Variants in WDR33 observed in about 807,000 individuals in gnomAD.
WDR33 encodes the protein pre-mRNA 3' end processing protein WDR33.
In WDR33, 47 loss-of-function variants were observed where a neutral mutation model predicts 164.9. That is an observed-to-expected ratio of 0.29 (90% CI 0.23 to 0.36). The LOEUF is 0.36. WDR33 is among the 10% of genes least tolerant of loss of function. The probability of loss-of-function intolerance (pLI) is 1.00; values close to 1 mark genes in which losing one functional copy is unlikely to be tolerated. For missense variants in WDR33, 1,137 were observed against 1,754.1 expected (o/e 0.65, Z 6.28); for synonymous variants, 505 against 589.0 (o/e 0.86, Z 2.06).
chr2:127,764,342 T>G lies in WDR33; in HGVS notation c.626+486A>C, dbSNP rs1468311344. 2.2e-6 allele frequency: 3 copies of G among 1,390,274 alleles called. No individual in the cohort carries two copies. In the African/African-American group the frequency reaches 4.4e-5, roughly 20 times the overall value. The allele number at this position is 1,390,274 out of a possible 1,614,324, so 86.1% of individuals were successfully genotyped here. On this transcript the variant is annotated intron_variant, in intron 6 of 21. Coordinates refer to ENST00000322313, the MANE Select transcript of WDR33 (RefSeq NM_018383.5). The surrounding 1 kb of genome is among the most constrained non-coding windows in gnomAD (Gnocchi z 6.2). Reference sequence around the variant, plus strand: ...GCCACATCCAGTTATCTGTGAGGGTTTTAGTCCTATACTTTCCTTTGGAAG... The same window carrying G: ...GCCACATCCAGTTATCTGTGAGGGTGTTAGTCCTATACTTTCCTTTGGAAG...
At chr2:127,707,341 C>T (rs1168154864) in intron 21 of WDR33, among the ~76,000 whole-genome samples, 3 of 152,068 alleles carry the variant, frequency 2.0e-5, no homozygotes, top group African/African-American at 7.2e-5. Flanking sequence ...ATAATGCACT[C>T]TCAGAAGATG....
chr2:127,734,199 C>T (rs1421363666), intron 7 of WDR33, among the ~76,000 whole-genome samples: 1 of 152,204 alleles, frequency 6.6e-6, no homozygotes, highest in Non-Finnish European at 1.5e-5. Flanking sequence ...AGACCAGAGT[C>T]TTGTTCGGAA....
At position 127,745,410 on chromosome 2, in the gene WDR33, A is replaced by G. The variant is rs1687139299; in HGVS notation, c.724+17652T>C. ...GGTCTGTACTTCTCATCTTCAACCA[A>G]CATACTGAACACAAAATCAAAGAAA... On this transcript the variant is annotated intron_variant, in intron 7 of 21. Coordinates refer to ENST00000322313, the MANE Select transcript of WDR33 (RefSeq NM_018383.5). 2.0e-5 allele frequency among the ~76,000 whole-genome samples: 3 copies of G among 152,202 alleles called. No individual in the cohort carries two copies. The South Asian group carries it at 6.2e-4, about 32-fold the overall frequency.
At chr2:127,787,712 G>GT in intron 1 of WDR33, among the ~76,000 whole-genome samples, 1 of 89,372 alleles carries the variant, frequency 1.1e-5, no homozygotes, top group Non-Finnish European at 2.3e-5. Flanking sequence ...CGGGCGGGGG[G>GT]CTGACACCCC....
chr2:127,776,552 C>T lies in WDR33; in HGVS notation c.-23-5548G>A, dbSNP rs536796071. ...AGTAAGACCCTGTTTCTACAAAAAA[C>T]ACAAAAATTAGCCGGGCCTGGTGGT... On this transcript the variant is annotated intron_variant, in intron 1 of 21. Transcript: ENST00000322313. Among the ~76,000 whole-genome samples, 5 of 152,246 alleles carry T rather than the reference C, an allele frequency of 3.3e-5. No individual in the cohort carries two copies. In the East Asian group the frequency reaches 5.8e-4, roughly 18 times the overall value.
intron 1 of WDR33, among the ~76,000 whole-genome samples, chr2:127,779,465 C>CA (rs554509543): frequency 3.3e-5 from 5 of 150,288 alleles, no homozygotes; most frequent in African/African-American, 9.8e-5. Flanking sequence ...GACTCCGTTT[C>CA]AAAAAAAAAG....
At chr2:127,788,526 A>AC (rs1325304594) in intron 1 of WDR33, among the ~76,000 whole-genome samples, 16 of 84,010 alleles carry the variant, frequency 1.9e-4, no homozygotes, top group Non-Finnish European at 2.6e-4. Flanking sequence ...GGGGGGGCTG[A>AC]CCCCCCCATC....
At chr2:127,806,696 A>G (rs111414555) in intron 1 of WDR33, among the ~76,000 whole-genome samples, 4 of 132,566 alleles carry the variant, frequency 3.0e-5, no homozygotes, top group African/African-American at 6.7e-5. Context: ...AACTCATTCG[A>G]AAAAAAAAAA....
In WDR33 at chr2:127,709,690, C is replaced by G. The variant is rs763819240; in HGVS notation, c.3472+3G>C. Reference sequence around the variant, plus strand: ...GACCAGGTGTCTTTAGTAACTCGCTCACCTCGTGGGGTACCCCGACCTCGA... The same window carrying G: ...GACCAGGTGTCTTTAGTAACTCGCTGACCTCGTGGGGTACCCCGACCTCGA... On this transcript the variant is annotated splice_donor_region_variant and intron_variant, in intron 19 of 21. Coordinates refer to ENST00000322313, the MANE Select transcript of WDR33 (RefSeq NM_018383.5). The surrounding 1 kb of genome is among the most constrained non-coding windows in gnomAD (Gnocchi z 5.0). 4 of 1,614,098 alleles carry G rather than the reference C, an allele frequency of 2.5e-6. No individual in the cohort carries two copies. The highest frequency in any genetic ancestry group is 1.1e-5 in the South Asian group (1 of 91,074).
rs375419578 is a variant in WDR33 at position 127,722,036 on chromosome 2, C to T, written c.1519-48G>A. ...AAATGTACGCTAAGTATGAAAATTA[C>T]AATGATAGAATGAGAAAACCACTCT... On this transcript the variant is annotated intron_variant, in intron 14 of 21. Coordinates refer to ENST00000322313, the MANE Select transcript of WDR33 (RefSeq NM_018383.5). The surrounding 1 kb of genome is among the most constrained non-coding windows in gnomAD (Gnocchi z 5.1). 1.5e-5 allele frequency: 24 copies of T among 1,583,626 alleles called. No individual in the cohort carries two copies. Among genetic ancestry groups the T allele is most frequent in the Non-Finnish European group, 2.0e-5 (23 of 1,167,940 alleles).
chr2:127,779,814 A>G (rs992339935), intron 1 of WDR33, among the ~76,000 whole-genome samples: 1 of 152,172 alleles, frequency 6.6e-6, no homozygotes, highest in Non-Finnish European at 1.5e-5. Flanking sequence ...AAATCCAACA[A>G]TTCCTACCAT....
intron 7 of WDR33, among the ~76,000 whole-genome samples, chr2:127,762,059 A>G (rs1222225968): frequency 6.6e-6 from 1 of 152,170 alleles, no homozygotes; most frequent in Non-Finnish European, 1.5e-5. Context: ...TTAACGATTC[A>G]ACCAAGACAA....
In WDR33 at chr2:127,710,995, C is replaced by T. The variant is rs531413466; in HGVS notation, c.3309-1139G>A. On this transcript the variant is annotated intron_variant, in intron 18 of 21. Transcript: ENST00000322313. The surrounding 1 kb of genome is among the most constrained non-coding windows in gnomAD (Gnocchi z 4.4). ...ACCATTTGAAAATCAGTTGCCAACA[C>T]GAGCTTTACCCCTAAATCCTTCAGT... 6.6e-6 allele frequency among the ~76,000 whole-genome samples: 1 copy of T among 152,236 alleles called. No homozygotes were observed. The highest frequency in any genetic ancestry group is 1.5e-5 in the Non-Finnish European group (1 of 68,034).
intron 7 of WDR33, among the ~76,000 whole-genome samples, chr2:127,731,687 C>T (rs924676250): frequency 6.6e-6 from 1 of 151,986 alleles, no homozygotes; most frequent in South Asian, 2.1e-4. Context: ...AAATAAGGAC[C>T]TTTTTGGGGG....
Position 127,770,760 on chromosome 2 carries a change from C to T in WDR33, c.204+18G>A, listed in dbSNP as rs762203004. 4.5e-6 allele frequency: 7 copies of T among 1,548,850 alleles called. No individual in the cohort carries two copies. Among genetic ancestry groups the T allele is most frequent in the Non-Finnish European group, 5.3e-6 (6 of 1,139,096 alleles). On this transcript the variant is annotated intron_variant, in intron 2 of 21. Coordinates refer to ENST00000322313, the MANE Select transcript of WDR33 (RefSeq NM_018383.5). The surrounding 1 kb of genome is among the most constrained non-coding windows in gnomAD (Gnocchi z 4.9). The stretch of plus-strand genomic sequence containing the variant: ...ATAACCAAAGTTTGGTCATCTGAAG[C>T]ACATAAATCAGGCTTACCTCCAAAT...
In WDR33 at chr2:127,719,352, T is replaced by A. The variant is rs770203787; in HGVS notation, c.2673A>T (p.Arg891Ser). The change falls in exon 16 of 22, where the codon AGA (arginine) becomes AGT (serine). Residue 891 changes from arginine to serine, a missense_variant. Physicochemically the swap from Arg to Ser is moderately radical, Grantham distance 110. Around this residue, in one of 9 missense-constraint regions of WDR33, gnomAD observed 867 missense variants for 1,073.0 expected, o/e 0.81. Transcript: ENST00000322313. The surrounding 1 kb of genome is among the most constrained non-coding windows in gnomAD (Gnocchi z 6.5). ...PGPQGQQNPARGPHPSQGPIP... is the reference protein window; with the variant it reads ...PGPQGQQNPASGPHPSQGPIP... ...TTGGCCCTTGAGATGGATGTGGCCC[T>A]CTTGCTGGGTTCTGCTGTCCCTGAG... 30 of 1,509,864 alleles carry A rather than the reference T, an allele frequency of 2.0e-5. No individual in the cohort carries two copies. Among genetic ancestry groups the A allele is most frequent in the Non-Finnish European group, 2.4e-5 (27 of 1,130,564 alleles). The allele number at this position is 1,509,864 out of a possible 1,614,324, so 93.5% of individuals were successfully genotyped here.
At chr2:127,781,675 A>G (rs760810169) in intron 1 of WDR33, among the ~76,000 whole-genome samples, 11 of 152,172 alleles carry the variant, frequency 7.2e-5, no homozygotes, top group Non-Finnish European at 1.5e-4. Context: ...AAAAGTTAAC[A>G]TGAGCAATTC....
At chr2:127,791,603 A>C (rs6750523) in intron 1 of WDR33, among the ~76,000 whole-genome samples, 49,411 of 151,844 alleles carry the variant, frequency 0.33, 9,181 homozygotes, top group African/African-American at 0.51. Context: ...TAGTGATGTC[A>C]CAGAGGCCCC....
intron 1 of WDR33, among the ~76,000 whole-genome samples, chr2:127,778,714 G>C (rs1208778653): frequency 6.6e-6 from 1 of 152,088 alleles, no homozygotes; most frequent in East Asian, 1.9e-4. Context: ...GTAAAGTGAG[G>C]GAGGCAAGGG....
Sources: allele counts gnomAD v4.1 joint callset (sites outside exome capture counted in the v4.1 genomes callset), GRCh38; gene constraint gnomAD v4.1.1; regional missense constraint gnomAD v4.1.1; non-coding constraint Gnocchi (gnomAD v3.1); transcripts MANE v1.5; gene names NCBI Gene and HGNC (gene_info 2026-07-23, HGNC 2026-07-21).